Variants in SLC37A2 observed in about 807,000 individuals in gnomAD.
SLC37A2 encodes the protein glucose-6-phosphate exchanger SLC37A2.
SLC37A2 carries 59 observed loss-of-function variants against 70.7 expected under a neutral mutation model. The observed-to-expected ratio is 0.83, with a 90% CI of 0.68 to 1.04. The LOEUF is 1.04. SLC37A2 is among the 50% of genes least tolerant of loss of function. SLC37A2 has a pLI of 0.00. For missense variants in SLC37A2, 580 were observed against 658.1 expected (o/e 0.88, Z 1.30); for synonymous variants, 257 against 262.1 (o/e 0.98, Z 0.19).
At chr11:125,074,202 C>T (rs868603527) in intron 1 of SLC37A2, among the ~76,000 whole-genome samples, 9 of 152,008 alleles carry the variant, frequency 5.9e-5, no homozygotes, top group Middle Eastern at 3.2e-3. Context: ...TTGGCCTCGT[C>T]CTGCTTGTTT....
In SLC37A2 at chr11:125,085,152, A is replaced by T; in HGVS notation, c.1248+13A>T. ...CTCTGCTGATCTGGTGAGTGGGGCC[A>T]CCTCCCGAGGGCCAGGGACCGTTCT... On this transcript the variant is annotated intron_variant, in intron 14 of 17. Coordinates refer to ENST00000403796, the MANE Select transcript of SLC37A2 (RefSeq NM_001145290.2). 6.2e-7 allele frequency: 1 copy of T among 1,612,506 alleles called. No homozygotes were observed. Among genetic ancestry groups the T allele is most frequent in the African/African-American group, 1.3e-5 (1 of 74,838 alleles).
intron 4 of SLC37A2, 137 bp from the exon 5 acceptor site, chr11:125,078,975 C>T (rs1047453459): frequency 1.5e-5 from 16 of 1,090,812 alleles, no homozygotes; most frequent in Non-Finnish European, 2.0e-5. Flanking sequence ...AGGTTGGCCC[C>T]GTCACATGGC....
At chr11:125,078,740 C>T (rs987707806) in intron 4 of SLC37A2, among the ~76,000 whole-genome samples, 1 of 152,076 alleles carries the variant, frequency 6.6e-6, no homozygotes, top group Non-Finnish European at 1.5e-5. Flanking sequence ...CCAGGAGGCA[C>T]CTGTCTGTGA....
At chr11:125,067,483 T>C (rs967017736) in intron 1 of SLC37A2, among the ~76,000 whole-genome samples, 1 of 152,210 alleles carries the variant, frequency 6.6e-6, no homozygotes, top group African/African-American at 2.4e-5. Context: ...ATTTTACCAA[T>C]ATAAATTTAA....
Position 125,088,140 on chromosome 11 carries a change from CA to C in SLC37A2, c.*8del. The C allele has an allele frequency of 2.6e-6, 4 of 1,551,800 alleles. No individual in the cohort carries two copies. The highest frequency in any genetic ancestry group is 3.5e-6 in the Non-Finnish European group (4 of 1,147,032). On this transcript the variant is annotated 3_prime_UTR_variant, in exon 18 of 18. Coordinates refer to ENST00000403796, the MANE Select transcript of SLC37A2 (RefSeq NM_001145290.2). ...GCAGGTATAAAGAAATATGAGGCCC[CA>C]ATTGGAACAGCAGCATGGAGGGTCC...
rs372500077 is a variant in SLC37A2, at chr11:125,083,767, T to C, written c.977-48T>C. On this transcript the variant is annotated intron_variant, in intron 10 of 17. Coordinates refer to ENST00000403796, the MANE Select transcript of SLC37A2 (RefSeq NM_001145290.2). This position sits in a 1 kb window ranked among gnomAD's most constrained non-coding sequence, Gnocchi z 4.6. ...GGCTTCTAGCTGTGACACTCCAGGATGTTTGCCCCAAACCCCAGGTCTGAC... is the reference window on the plus strand; with the variant it reads ...GGCTTCTAGCTGTGACACTCCAGGACGTTTGCCCCAAACCCCAGGTCTGAC... 8 of 1,533,280 alleles carry C rather than the reference T, an allele frequency of 5.2e-6. No homozygotes were observed. In the African/African-American group the frequency reaches 9.5e-5, roughly 18 times the overall value. The allele number at this position is 1,533,280 out of a possible 1,614,324, so 95.0% of individuals were successfully genotyped here. A position where few individuals can be genotyped will look rare whatever the true frequency, so the allele number is the denominator to read the frequency against.
Position 125,088,126 on chromosome 11 carries a change from G to T in SLC37A2, c.1498G>T (p.Glu500Ter), listed in dbSNP as rs1195553705. 6.4e-7 allele frequency: 1 copy of T among 1,551,720 alleles called. No homozygotes were observed. The highest frequency in any genetic ancestry group is 1.4e-5 in the African/African-American group (1 of 72,944). ...CCTCTCCTCTTCATGCAGGTATAAA[G>T]AAATATGAGGCCCCAATTGGAACAG... ...VSLSRGSGYK[E>*]I The change falls in exon 18 of 18, where the codon GAA (glutamate) becomes TAA (stop). Residue 500 changes from glutamate (E) to a stop codon, truncating the protein, a stop_gained. Transcript: ENST00000403796. LOFTEE classifies it high-confidence loss of function.
intron 12 of SLC37A2, among the ~76,000 whole-genome samples, 166 bp from the exon 13 acceptor site, chr11:125,084,659 G>A (rs1286155448): frequency 6.6e-6 from 1 of 152,212 alleles, no homozygotes; most frequent in African/African-American, 2.4e-5. Flanking sequence ...GTTTTAGACC[G>A]TCCATCCCTG....
intron 11 of SLC37A2, 105 bp from the exon 12 acceptor site, chr11:125,084,129 C>A: frequency 7.7e-7 from 1 of 1,299,076 alleles, no homozygotes; most frequent in Non-Finnish European, 1.1e-6. Context: ...TCTGCTGGTT[C>A]TTGCTGACAG....
Position 125,077,460 on chromosome 11 carries a change from C to A in SLC37A2, c.246C>A (p.Asn82Lys), listed in dbSNP as rs1054921406. Residue 82 changes from asparagine (N) to lysine (K), a missense_variant, in exon 4 of 18, where the codon AAC becomes AAA. By Grantham distance (94) the Asn-to-Lys change is moderately conservative. Transcript: ENST00000403796. ...CCCATCTGCTTTCAGACAAGGACAA[C>A]TATAAGGAGTTACTAGGGGGCGTGG... ...WCSWAPFDKD[N>K]YKELLGGVDN... is the part of the protein sequence containing the mutation. 2 of 1,613,654 alleles carry A rather than the reference C, an allele frequency of 1.2e-6. No homozygotes were observed. The highest frequency in any genetic ancestry group is 1.7e-6 in the Non-Finnish European group (2 of 1,179,778).
At chr11:125,086,860 A>C (rs976410151) in intron 17 of SLC37A2, 1 of 161,612 alleles carries the variant, frequency 6.2e-6, no homozygotes, top group African/African-American at 2.4e-5. Flanking sequence ...GGAGCTGTGG[A>C]CCTGGGCTGG....
chr11:125,069,247 G>A (rs969499901), intron 1 of SLC37A2, among the ~76,000 whole-genome samples: 6 of 152,230 alleles, frequency 3.9e-5, no homozygotes, highest in Non-Finnish European at 8.8e-5. Context: ...ATGTAAGCCT[G>A]TCCAGCACCA....
intron 6 of SLC37A2, among the ~76,000 whole-genome samples, chr11:125,079,996 T>G (rs946810844): frequency 2.6e-5 from 4 of 152,182 alleles, no homozygotes; most frequent in Admixed American, 6.5e-5. Flanking sequence ...TAATTTCTAT[T>G]TTCAACGAAG....
In SLC37A2 at chr11:125,080,207, T is replaced by C. The variant is rs1949131789; in HGVS notation, c.528-407T>C. ...GCCTTCCTGGCATCTGCTCACTGGATGCCATAGCACACCCTGAGCTGTGAC... is the reference window on the plus strand; with the variant it reads ...GCCTTCCTGGCATCTGCTCACTGGACGCCATAGCACACCCTGAGCTGTGAC... On this transcript the variant is annotated intron_variant, in intron 6 of 17. Transcript: ENST00000403796. This position sits in a 1 kb window ranked among gnomAD's most constrained non-coding sequence, Gnocchi z 4.3. 6.6e-6 allele frequency among the ~76,000 whole-genome samples: 1 copy of C among 152,114 alleles called. No individual in the cohort carries two copies. The highest frequency in any genetic ancestry group is 1.5e-5 in the Non-Finnish European group (1 of 68,008).
In SLC37A2 at chr11:125,083,657, C is replaced by T. The variant is rs983679395; in HGVS notation, c.977-158C>T. ...GCGTCTATCCAAACTGCTGCATTCTCACCCTGTGGCCCTGGCCAGCCTGCT... is the reference window on the plus strand; with the variant it reads ...GCGTCTATCCAAACTGCTGCATTCTTACCCTGTGGCCCTGGCCAGCCTGCT... On this transcript the variant is annotated intron_variant, in intron 10 of 17. Transcript: ENST00000403796. The surrounding 1 kb of genome is among the most constrained non-coding windows in gnomAD (Gnocchi z 4.6). Among the ~76,000 whole-genome samples the T allele has an allele frequency of 1.3e-5, 2 of 152,188 alleles. No individual in the cohort carries two copies. Among genetic ancestry groups the T allele is most frequent in the Admixed American group, 6.5e-5 (1 of 15,288 alleles).
chr11:125,065,854 GA>G (rs1344711730), intron 1 of SLC37A2, among the ~76,000 whole-genome samples: 18 of 152,200 alleles, frequency 1.2e-4, no homozygotes, highest in Non-Finnish European at 2.5e-4. Flanking sequence ...CAGGTAGGGA[GA>G]AAAAGATATT....
At chr11:125,086,313 A>G in intron 17 of SLC37A2, 2 of 1,318,868 alleles carry the variant, frequency 1.5e-6, no homozygotes, top group Non-Finnish European at 2.2e-6. Context: ...TGGGGGCTGC[A>G]TGCAAATCCT....
At chr11:125,070,609 A>G (rs1428986141) in intron 1 of SLC37A2, among the ~76,000 whole-genome samples, 1 of 152,198 alleles carries the variant, frequency 6.6e-6, no homozygotes, top group Admixed American at 6.5e-5. Flanking sequence ...GTTGACTGCA[A>G]AGAGGTGCAT....
intron 4 of SLC37A2, among the ~76,000 whole-genome samples, chr11:125,078,859 G>A (rs190119657): frequency 7.9e-4 from 120 of 152,138 alleles, no homozygotes; most frequent in Non-Finnish European, 1.4e-3. Flanking sequence ...GCAAAAGACC[G>A]CACCGAGAGG....
Sources: allele counts gnomAD v4.1 joint callset (sites outside exome capture counted in the v4.1 genomes callset), GRCh38; gene constraint gnomAD v4.1.1; non-coding constraint Gnocchi (gnomAD v3.1); transcripts MANE v1.5; gene names NCBI Gene and HGNC (gene_info 2026-07-23, HGNC 2026-07-21).